ADAMTS17: variants seen among roughly 807,000 people sequenced by gnomAD.
ADAMTS17 encodes ADAM metallopeptidase with thrombospondin type 1 motif 17.
In ADAMTS17, 113 loss-of-function variants were observed where a neutral mutation model predicts 141.5. The ratio of observed to expected loss-of-function variants is 0.80; its 90% CI spans 0.69 to 0.93. ADAMTS17 has a LOEUF of 0.93. Among genes scored for constraint, ADAMTS17 ranks in the 40% least tolerant of loss-of-function variants. The probability of loss-of-function intolerance (pLI) is 0.00; values close to 1 mark genes in which losing one functional copy is unlikely to be tolerated. For synonymous variants in ADAMTS17, 768 were observed against 630.6 expected, an observed-to-expected ratio of 1.22 and a Z score of -3.27; for missense variants, 1,659 against 1,517.9, an observed-to-expected ratio of 1.09 and a Z score of -1.54.
rs537537498 is a variant in ADAMTS17 at position 100,103,400 on chromosome 15, T to C, written c.2016+5589A>G. ...ACCTGGGGGTCCTCTGAGACCAGGG[T>C]CTCTTTGAATTCTCCTAAACTTCCC... On this transcript the variant is annotated intron_variant, in intron 14 of 21. Transcript: ENST00000268070. Among the ~76,000 whole-genome samples, 5 of 152,284 alleles carry C rather than the reference T, an allele frequency of 3.3e-5. No homozygotes were observed. In the South Asian group the frequency reaches 8.3e-4, roughly 25 times the overall value.
chr15:100,117,806 G>A (rs113991013), intron 12 of ADAMTS17, among the ~76,000 whole-genome samples: 3,334 of 152,278 alleles, frequency 0.022, 139 homozygotes, highest in African/African-American at 0.075. Flanking sequence ...TCATCATGAT[G>A]GAATAAGATT....
At chr15:100,110,706 G>A (rs945359819) in intron 13 of ADAMTS17, among the ~76,000 whole-genome samples, 4 of 152,128 alleles carry the variant, frequency 2.6e-5, no homozygotes, top group Admixed American at 6.5e-5. Flanking sequence ...TGCACAGGGC[G>A]AGAGTCAAAG....
chr15:100,335,831 A>G (rs960184650), intron 2 of ADAMTS17, among the ~76,000 whole-genome samples: 1 of 151,748 alleles, frequency 6.6e-6, no homozygotes, highest in Non-Finnish European at 1.5e-5. Flanking sequence ...TGACTCGCTC[A>G]AGATCACAGC....
chr15:100,047,290 T>A (rs2031780766), intron 18 of ADAMTS17, among the ~76,000 whole-genome samples: 1 of 132,540 alleles, frequency 7.5e-6, no homozygotes. Flanking sequence ...CCCGGTCCTG[T>A]GGTCCTGTGA....
intron 3 of ADAMTS17, among the ~76,000 whole-genome samples, chr15:100,328,225 G>A (rs567608963): frequency 6.6e-6 from 1 of 152,198 alleles, no homozygotes; most frequent in African/African-American, 2.4e-5. Context: ...AATGTACTTT[G>A]CAGATGTCCC....
At chr15:100,089,017 C>A (rs1047223766) in intron 15 of ADAMTS17, among the ~76,000 whole-genome samples, 1 of 151,460 alleles carries the variant, frequency 6.6e-6, no homozygotes, top group African/African-American at 2.4e-5. Flanking sequence ...AGAGCTTCTG[C>A]ACAGCAAAAG....
At chr15:100,084,441 G>C (rs2034962438) in intron 15 of ADAMTS17, among the ~76,000 whole-genome samples, 1 of 152,222 alleles carries the variant, frequency 6.6e-6, no homozygotes, top group African/African-American at 2.4e-5. Flanking sequence ...ACAAAAGGCA[G>C]GAGAAACCTC....
intron 3 of ADAMTS17, among the ~76,000 whole-genome samples, chr15:100,324,388 G>A (rs147688984): frequency 0.012 from 1,871 of 152,150 alleles, 21 homozygotes; most frequent in Middle Eastern, 0.031. Flanking sequence ...TACTGGATAC[G>A]CAGGTTTCTT....
At chr15:100,311,884 G>A (rs2045417832) in intron 3 of ADAMTS17, among the ~76,000 whole-genome samples, 1 of 152,082 alleles carries the variant, frequency 6.6e-6, no homozygotes, top group Admixed American at 6.5e-5. Context: ...ACTCGTGGGA[G>A]AAAAAAGGAA....
intron 18 of ADAMTS17, among the ~76,000 whole-genome samples, chr15:100,020,909 C>G (rs546437925): frequency 6.6e-6 from 1 of 152,230 alleles, no homozygotes; most frequent in South Asian, 2.1e-4. Context: ...GCAGCCTCTC[C>G]TCCTCATTTT....
intron 4 of ADAMTS17, among the ~76,000 whole-genome samples, chr15:100,280,229 A>G (rs186612996): frequency 2.4e-4 from 37 of 152,116 alleles, no homozygotes; most frequent in Non-Finnish European, 3.5e-4. Context: ...TTCTCAGACA[A>G]TGGCTCCACC....
chr15:100,225,322 C>G (rs147373574), intron 7 of ADAMTS17, among the ~76,000 whole-genome samples: 2,196 of 152,382 alleles, frequency 0.014, 23 homozygotes, highest in Middle Eastern at 0.041. Flanking sequence ...GTTAAAATAA[C>G]TGAGTGCCAG....
At chr15:100,338,677 C>G (rs1223383826) in intron 2 of ADAMTS17, among the ~76,000 whole-genome samples, 2 of 152,128 alleles carry the variant, frequency 1.3e-5, no homozygotes, top group African/African-American at 2.4e-5. Flanking sequence ...AATGCCCCTC[C>G]TCCATGGCCA....
chr15:100,190,848 C>G (rs991177238), intron 8 of ADAMTS17, among the ~76,000 whole-genome samples: 1 of 152,218 alleles, frequency 6.6e-6, no homozygotes, highest in South Asian at 2.1e-4. Flanking sequence ...ACCAAGAGAG[C>G]CACCTGGACA....
chr15:100,040,622 G>C (rs2031161892), intron 18 of ADAMTS17, among the ~76,000 whole-genome samples: 1 of 150,816 alleles, frequency 6.6e-6, no homozygotes, highest in Non-Finnish European at 1.5e-5. Flanking sequence ...TGTGAACCTG[G>C]TACCAGGGCA....
chr15:100,057,705 A>G (rs990007104), intron 15 of ADAMTS17, among the ~76,000 whole-genome samples: 3 of 152,100 alleles, frequency 2.0e-5, no homozygotes, highest in Non-Finnish European at 2.9e-5. Context: ...ACCCAACCCC[A>G]AACAGGGGGA....
intron 13 of ADAMTS17, among the ~76,000 whole-genome samples, chr15:100,113,059 G>A (rs557258120): frequency 6.6e-6 from 1 of 152,224 alleles, no homozygotes; most frequent in South Asian, 2.1e-4. Flanking sequence ...ATGCTGACGA[G>A]GCTACTCAGA....
At chr15:100,017,240 T>C (rs2061309045) in intron 18 of ADAMTS17, among the ~76,000 whole-genome samples, 1 of 152,192 alleles carries the variant, frequency 6.6e-6, no homozygotes, top group African/African-American at 2.4e-5. Context: ...CCCGAGTCTG[T>C]TTCCAGGCAG....
rs71151934 is a variant in ADAMTS17 at position 100,077,283 on chromosome 15, CAAAAA to C, written c.2137+19068_2137+19072del. Among the ~76,000 whole-genome samples, 69 of 54,600 alleles carry C rather than the reference CAAAAA, an allele frequency of 1.3e-3. 1 individual carries two copies. Among genetic ancestry groups the C allele is most frequent in the Non-Finnish European group, 7.9e-4 (24 of 30,316 alleles). 35.8% of individuals were successfully genotyped at this position (54,600 alleles called of 152,430 possible). A position where few individuals can be genotyped will look rare whatever the true frequency, so the allele number is the denominator to read the frequency against. On this transcript the variant is annotated intron_variant, in intron 15 of 21. Transcript: ENST00000268070. ...ACATGGTGAAACCCTATCTCTACCA[CAAAAA>C]AAAAAAAAAAAAAAAAAAAAAAAAT...
Sources: gnomAD v4.1 joint callset for allele counts (sites outside exome capture counted in the v4.1 genomes callset) on GRCh38, gnomAD v4.1.1 for gene constraint, MANE v1.5 for transcripts, NCBI Gene and HGNC (gene_info 2026-07-23, HGNC 2026-07-21) for gene names.